The following GALK2 variants were observed in gnomAD, a reference collection of about 807,000 sequenced individuals.
The protein encoded by GALK2 is N-acetylgalactosamine kinase.
GALK2 carries 36 observed loss-of-function variants against 52.4 expected under a neutral mutation model. That is an observed-to-expected ratio of 0.69 (90% confidence interval 0.53 to 0.91). The LOEUF (loss-of-function observed/expected upper bound fraction) is 0.91, where lower values mean the gene tolerates loss of function less well. GALK2 is among the 40% of genes least tolerant of loss of function. GALK2 has a pLI of 0.00. For missense variants in GALK2, 579 were observed against 559.1 expected (o/e 1.04, Z -0.36); for synonymous variants, 176 against 199.1 (o/e 0.88, Z 0.98).
At chr15:49,336,077 G>A (rs549340074), downstream of GALK2, among the ~76,000 whole-genome samples, 11 of 152,214 alleles carry the variant, frequency 7.2e-5, no homozygotes, top group East Asian at 3.9e-4. Context: ...CAAAGTATTG[G>A]GATTACAGGT....
chr15:49,210,380 T>C (rs1459927152), intron 2 of GALK2, among the ~76,000 whole-genome samples: 1 of 151,834 alleles, frequency 6.6e-6, no homozygotes, highest in Non-Finnish European at 1.5e-5. Context: ...TTAGGTTGTT[T>C]ATATGCAAAA....
At chr15:49,362,606 G>C (rs551448012) in intron 3 of GALK2, among the ~76,000 whole-genome samples, 1 of 152,150 alleles carries the variant, frequency 6.6e-6, no homozygotes, top group East Asian at 1.9e-4. Context: ...CTTTTGCTGC[G>C]CAGAAGGTCT....
At position 49,283,565 on chromosome 15, in the gene GALK2, G is replaced by C. The variant is rs1355591174; in HGVS notation, c.604-1G>C. The C allele has an allele frequency of 6.2e-7, 1 of 1,607,892 alleles. No individual in the cohort carries two copies. Among genetic ancestry groups the C allele is most frequent in the African/African-American group, 1.3e-5 (1 of 74,770 alleles). On this transcript the variant is annotated splice_acceptor_variant, in intron 6 of 9. Coordinates refer to ENST00000560031, the MANE Select transcript of GALK2 (RefSeq NM_002044.4). LOFTEE classifies it high-confidence loss of function. ...TTCTCCTTTCATTTTTCTTCTAACAGGCCAAGTTGATAGAATTTAGTCCTC... is the reference window on the plus strand; with the variant it reads ...TTCTCCTTTCATTTTTCTTCTAACACGCCAAGTTGATAGAATTTAGTCCTC...
intron 1 of GALK2, chr15:49,178,424 G>A (rs1595894147): frequency 4.6e-6 from 1 of 219,488 alleles, no homozygotes. Flanking sequence ...CCCCACAGTG[G>A]CGTCCAGCTT....
At chr15:49,235,547 C>G in intron 3 of GALK2, 1 of 508,108 alleles carries the variant, frequency 2.0e-6, no homozygotes, top group Non-Finnish European at 3.8e-6. Context: ...GTGGTTTACA[C>G]CAGTTTAACA....
At chr15:49,335,345 G>A, downstream of GALK2, 7 of 960,310 alleles carry the variant, frequency 7.3e-6, no homozygotes, top group South Asian at 1.0e-4. Context: ...ACTTAGTTTA[G>A]ATGATTTCTC....
intron 2 of GALK2, among the ~76,000 whole-genome samples, chr15:49,208,167 A>G (rs140404458): frequency 6.6e-6 from 1 of 151,964 alleles, no homozygotes; most frequent in Non-Finnish European, 1.5e-5. Flanking sequence ...CTGCTCTGAT[A>G]TTGGTTATTT....
intron 5 of GALK2, among the ~76,000 whole-genome samples, chr15:49,254,842 T>G (rs1394403603): frequency 1.4e-5 from 2 of 144,594 alleles, no homozygotes; most frequent in African/African-American, 5.0e-5. Flanking sequence ...CATGATTAGA[T>G]GTATTGTTAA....
chr15:49,281,562 T>G (rs2032701933), intron 5 of GALK2, among the ~76,000 whole-genome samples: 1 of 152,048 alleles, frequency 6.6e-6, no homozygotes, highest in Non-Finnish European at 1.5e-5. Flanking sequence ...GAAAATAAAG[T>G]TTAATGACCC....
At chr15:49,289,310 C>G (rs1017190761) in intron 7 of GALK2, among the ~76,000 whole-genome samples, 4 of 152,146 alleles carry the variant, frequency 2.6e-5, no homozygotes, top group Non-Finnish European at 5.9e-5. Context: ...ATAAGGGCTG[C>G]AGCTTCAAGG....
intron 3 of GALK2, among the ~76,000 whole-genome samples, chr15:49,223,917 A>G (rs2089978976): frequency 6.7e-6 from 1 of 149,412 alleles, no homozygotes. Flanking sequence ...CAGTAATGGG[A>G]TTGCTGGGTT....
chr15:49,321,804 G>GTAC (rs2036893753), intron 9 of GALK2, among the ~76,000 whole-genome samples: 1 of 152,208 alleles, frequency 6.6e-6, no homozygotes, highest in African/African-American at 2.4e-5. Context: ...ATACGTGTGT[G>GTAC]TACGTGTGTG....
intron 6 of GALK2, among the ~76,000 whole-genome samples, chr15:49,283,217 C>G (rs2032941826): frequency 6.6e-6 from 1 of 152,118 alleles, no homozygotes; most frequent in African/African-American, 2.4e-5. Context: ...TTAGATTTCT[C>G]TTTTTCAACT....
intron 5 of GALK2, among the ~76,000 whole-genome samples, chr15:49,248,450 T>C (rs759321945): frequency 3.9e-5 from 6 of 152,172 alleles, no homozygotes; most frequent in Non-Finnish European, 8.8e-5. Context: ...TCTGAAAAGA[T>C]GGTAAATCCA....
At chr15:49,352,844 T>C (rs1292434224) in intron 3 of GALK2, among the ~76,000 whole-genome samples, 1 of 152,146 alleles carries the variant, frequency 6.6e-6, no homozygotes, top group Admixed American at 6.6e-5. Context: ...ATCACCTACC[T>C]CAGTCCTTAA....
chr15:49,297,119 G>A (rs2034548042), intron 8 of GALK2, among the ~76,000 whole-genome samples: 1 of 152,160 alleles, frequency 6.6e-6, no homozygotes, highest in Non-Finnish European at 1.5e-5. Flanking sequence ...TTTAGTAATA[G>A]CCATTCTGAC....
chr15:49,266,466 A>T (rs979843881), intron 5 of GALK2, among the ~76,000 whole-genome samples: 3 of 152,192 alleles, frequency 2.0e-5, no homozygotes, highest in African/African-American at 7.2e-5. Context: ...AAGTGTCGTT[A>T]AGACTGCCTC....
At chr15:49,335,722 G>A (rs1403033239), downstream of GALK2, among the ~76,000 whole-genome samples, 1 of 152,024 alleles carries the variant, frequency 6.6e-6, no homozygotes, top group Non-Finnish European at 1.5e-5. Context: ...CAACCATAGG[G>A]CACTATGATT....
At chr15:49,279,712 A>G (rs1373221561) in intron 5 of GALK2, among the ~76,000 whole-genome samples, 1 of 152,254 alleles carries the variant, frequency 6.6e-6, no homozygotes, top group African/African-American at 2.4e-5. Flanking sequence ...ACACTGGCCC[A>G]GGGTCACAGT....
Sources: gnomAD v4.1 joint callset for allele counts (sites outside exome capture counted in the v4.1 genomes callset) on GRCh38, gnomAD v4.1.1 for gene constraint, MANE v1.5 for transcripts, NCBI Gene and HGNC (gene_info 2026-07-23, HGNC 2026-07-21) for gene names.